The following ARFGEF1 variants were observed in gnomAD, a reference collection of about 807,000 sequenced individuals.
The protein encoded by ARFGEF1 is ARF guanine nucleotide exchange factor 1, also known as brefeldin A-inhibited guanine nucleotide-exchange protein 1.
ARFGEF1 carries 42 observed loss-of-function variants against 231.0 expected under a neutral mutation model. The ratio of observed to expected loss-of-function variants is 0.18; its 90% CI spans 0.14 to 0.24. The LOEUF (loss-of-function observed/expected upper bound fraction) is 0.24, where lower values mean the gene tolerates loss of function less well. ARFGEF1 is among the 10% of genes least tolerant of loss of function. The pLI, the probability that ARFGEF1 is intolerant of heterozygous loss-of-function variation, is 1.00. For missense variants in ARFGEF1, 1,345 were observed against 2,192.0 expected (o/e 0.61, Z 7.72); for synonymous variants, 710 against 732.3 (o/e 0.97, Z 0.49).
chr8:67,267,058 G>A, intron 12 of ARFGEF1, 33 bp downstream of exon 12: 1 of 1,609,588 alleles, frequency 6.2e-7, no homozygotes, highest in Non-Finnish European at 8.5e-7. Context: ...TCCTGGTAAA[G>A]TTTAAATTTG....
Position 67,201,493 on chromosome 8 carries a change from C to G in ARFGEF1, c.5241G>C (p.Trp1747Cys). The G allele has an allele frequency of 6.2e-7, 1 of 1,610,894 alleles. No homozygotes were observed. The highest frequency in any genetic ancestry group is 8.5e-7 in the Non-Finnish European group (1 of 1,178,844). Residue 1747 changes from tryptophan (W) to cysteine (C), a missense_variant, in exon 37 of 39, where the codon TGG becomes TGC. Physicochemically the swap from Trp to Cys is radical, Grantham distance 215. Around this residue, in one of 14 missense-constraint regions of ARFGEF1, gnomAD observed 161 missense variants for 284.9 expected, o/e 0.57. Transcript: ENST00000262215. ...TCAAAAGCCTCTGCTGGACCTCCTC[C>G]CAGGCACTAACGCGGCTCTCATCCA... ...MYMDESRVSAWEEVQQRLLNV... is the reference protein window; with the variant it reads ...MYMDESRVSACEEVQQRLLNV...
At chr8:67,335,641 C>G (rs1239565566) in intron 1 of ARFGEF1, among the ~76,000 whole-genome samples, 1 of 152,080 alleles carries the variant, frequency 6.6e-6, no homozygotes, top group East Asian at 1.9e-4. Context: ...TGTTAAACAG[C>G]TGATTAAATG....
Position 67,288,043 on chromosome 8 carries a change from T to C in ARFGEF1, c.939A>G (p.Leu313=). The change falls in exon 7 of 39, where the codon TTA becomes TTG. Residue 313 remains leucine, a synonymous_variant. Coordinates refer to ENST00000262215, the MANE Select transcript of ARFGEF1 (RefSeq NM_006421.5). ...CACAATCATGGTTTTCTCCGTCATA[T>C]AACACTTCATTTTTAGATAATGCTT... is the stretch of plus-strand genomic sequence containing the variant. ...AAETLSKNEV[L]YDGENHDCEE... 1.2e-6 allele frequency: 2 copies of C among 1,601,046 alleles called. No homozygotes were observed. The highest frequency in any genetic ancestry group is 1.7e-6 in the Non-Finnish European group (2 of 1,175,688).
intron 15 of ARFGEF1, 136 bp downstream of exon 15, chr8:67,259,679 C>A (rs918900266): frequency 2.2e-5 from 12 of 536,246 alleles, no homozygotes; most frequent in African/African-American, 2.1e-4. Flanking sequence ...CTTTGGGAGG[C>A]TGAGGCAGGA....
At chr8:67,313,368 A>G (rs1030213896) in intron 1 of ARFGEF1, among the ~76,000 whole-genome samples, 32 of 152,146 alleles carry the variant, frequency 2.1e-4, no homozygotes, top group African/African-American at 7.0e-4. Flanking sequence ...TAGTTTTGTC[A>G]TATTACCAGG....
downstream of ARFGEF1, chr8:67,193,493 T>C (rs961822141): frequency 1.2e-6 from 2 of 1,613,566 alleles, no homozygotes; most frequent in South Asian, 1.1e-5. Flanking sequence ...TAGCACCAGA[T>C]GGTCTCTCTC....
At chr8:67,338,139 A>C (rs1308302298) in intron 1 of ARFGEF1, among the ~76,000 whole-genome samples, 1 of 152,236 alleles carries the variant, frequency 6.6e-6, no homozygotes. Flanking sequence ...GGTGGGAAAG[A>C]AAGCTAGTCA....
intron 5 of ARFGEF1, among the ~76,000 whole-genome samples, chr8:67,189,805 T>G (rs756217203): frequency 2.0e-5 from 3 of 152,212 alleles, no homozygotes; most frequent in Non-Finnish European, 4.4e-5. Flanking sequence ...CTAATGGTGA[T>G]TCTAAGTATT....
intron 5 of ARFGEF1, among the ~76,000 whole-genome samples, chr8:67,185,392 A>G (rs1834301687): frequency 6.6e-6 from 1 of 152,234 alleles, no homozygotes; most frequent in Non-Finnish European, 1.5e-5. Context: ...CGTTCAGTTT[A>G]GGGGCTGGTG....
At chr8:67,263,612 C>G (rs1804728151) in intron 14 of ARFGEF1, among the ~76,000 whole-genome samples, 1 of 152,156 alleles carries the variant, frequency 6.6e-6, no homozygotes, top group Admixed American at 6.5e-5. Context: ...GCTGCACATG[C>G]CATTCTCTTA....
intron 29 of ARFGEF1, among the ~76,000 whole-genome samples, chr8:67,222,004 G>A (rs1180304839): frequency 6.7e-6 from 1 of 148,896 alleles, no homozygotes; most frequent in African/African-American, 2.5e-5. Context: ...TAGTAGAGAC[G>A]GGGTTTCACT....
intron 29 of ARFGEF1, among the ~76,000 whole-genome samples, chr8:67,221,125 AAAC>A (rs1839141741): frequency 6.6e-6 from 1 of 152,240 alleles, no homozygotes; most frequent in South Asian, 2.1e-4. Context: ...ATACTGGTGT[AAAC>A]AAACCTACTG....
At chr8:67,246,259 T>G (rs545419469) in intron 19 of ARFGEF1, among the ~76,000 whole-genome samples, 1 of 150,594 alleles carries the variant, frequency 6.6e-6, no homozygotes, top group South Asian at 2.1e-4. Context: ...ACATAACAAA[T>G]GGATCTAACA....
At chr8:67,181,817 G>GT (rs1390966780) in intron 5 of ARFGEF1, among the ~76,000 whole-genome samples, 1 of 152,082 alleles carries the variant, frequency 6.6e-6, no homozygotes, top group Non-Finnish European at 1.5e-5. Flanking sequence ...ATATGAAACA[G>GT]TAATTCCCCA....
rs1243368667 is a variant in ARFGEF1 at position 67,296,584 on chromosome 8, T to C, written c.486A>G (p.Gln162=). The C allele has an allele frequency of 2.5e-6, 4 of 1,612,864 alleles. No individual in the cohort carries two copies. Among genetic ancestry groups the C allele is most frequent in the African/African-American group, 1.3e-5 (1 of 74,868 alleles). The change falls in exon 5 of 39, where the codon CAA becomes CAG. Residue 162 remains glutamine (Q), a synonymous_variant. Coordinates refer to ENST00000262215, the MANE Select transcript of ARFGEF1 (RefSeq NM_006421.5). ...CAGTCCCTTCATGAATTTCTATGTG[T>C]TGTGATGTTACTGCAGTAAGTAAAG... is the stretch of plus-strand genomic sequence containing the variant. ...IKALLTAVTS[Q]HIEIHEGTVL... is the part of the protein sequence containing the mutation.
intron 14 of ARFGEF1, among the ~76,000 whole-genome samples, chr8:67,264,515 C>G (rs1486938196): frequency 6.6e-6 from 1 of 151,918 alleles, no homozygotes. Flanking sequence ...AACTAAGGGG[C>G]TGATGTTGGA....
chr8:67,173,903 T>C (rs2129567928), downstream of ARFGEF1: 1 of 152,348 alleles, frequency 6.6e-6, no homozygotes, highest in Middle Eastern at 3.4e-3. Flanking sequence ...CATGTGTATA[T>C]AGATTGGCCA....
chr8:67,318,186 G>A (rs1269240585), intron 1 of ARFGEF1, among the ~76,000 whole-genome samples: 1 of 146,400 alleles, frequency 6.8e-6, no homozygotes, highest in Non-Finnish European at 1.5e-5. Context: ...GCAGTGAGCC[G>A]AGATGGTGCC....
chr8:67,175,420 G>A, downstream of ARFGEF1: 1 of 1,614,156 alleles, frequency 6.2e-7, no homozygotes, highest in South Asian at 1.1e-5. Context: ...GAATAAAAAT[G>A]CAGGAAGGTG....
Sources: allele counts gnomAD v4.1 joint callset (sites outside exome capture counted in the v4.1 genomes callset), GRCh38; gene constraint gnomAD v4.1.1; regional missense constraint gnomAD v4.1.1; transcripts MANE v1.5; gene names NCBI Gene and HGNC (gene_info 2026-07-23, HGNC 2026-07-21).